Variants in NR1I2 observed in about 807,000 individuals in gnomAD.
NR1I2 encodes orphan nuclear receptor PAR1.
Under a neutral mutation model 43.3 loss-of-function variants are expected in NR1I2, and 42 were observed. That is an observed-to-expected ratio of 0.97 (90% confidence interval 0.76 to 1.26). NR1I2 has a LOEUF of 1.26. Among genes scored for constraint, NR1I2 ranks in the 50% most tolerant of loss-of-function variants. NR1I2 has a pLI of 0.00. For missense variants in NR1I2, 559 were observed against 566.7 expected, an observed-to-expected ratio of 0.99 and a Z score of 0.14; for synonymous variants, 229 against 215.0, an observed-to-expected ratio of 1.06 and a Z score of -0.57.
intron 1 of NR1I2, among the ~76,000 whole-genome samples, chr3:119,805,194 GT>G (rs947366650): frequency 4.1e-4 from 62 of 152,040 alleles, no homozygotes; most frequent in African/African-American, 1.4e-3. Flanking sequence ...ACATTTCTGT[GT>G]TTGATAACTC....
Position 119,815,715 on chromosome 3 carries a change from C to G in NR1I2, c.1055-11C>G. ...CCCCATGATCTTGCACCACACCTCC[C>G]TCCCCTCCAGACCGCCCAGGTGTGC... On this transcript the variant is annotated splice_polypyrimidine_tract_variant and intron_variant, in intron 7 of 8. Coordinates refer to ENST00000393716, the MANE Select transcript of NR1I2 (RefSeq NM_003889.4). 7 of 1,607,108 alleles carry G rather than the reference C, an allele frequency of 4.4e-6. No homozygotes were observed. The highest frequency in any genetic ancestry group is 6.0e-6 in the Non-Finnish European group (7 of 1,175,466).
chr3:119,807,543 G>A (rs1420149893), intron 2 of NR1I2, 96 bp downstream of exon 2: 2 of 1,086,822 alleles, frequency 1.8e-6, no homozygotes, highest in Non-Finnish European at 2.8e-6. Flanking sequence ...GGTTCAGAGT[G>A]TGGGCTGGTG....
intron 1 of NR1I2, among the ~76,000 whole-genome samples, chr3:119,801,877 C>G (rs947817780): frequency 1.3e-5 from 2 of 152,142 alleles, no homozygotes; most frequent in Non-Finnish European, 2.9e-5. Context: ...CTCATCGGTG[C>G]GATCTCAGGC....
intron 1 of NR1I2, 24 bp downstream of exon 1, chr3:119,782,324 T>C (rs1209468408): frequency 5.3e-5 from 9 of 169,840 alleles, no homozygotes; most frequent in Admixed American, 1.7e-4. Context: ...TTCTTTCTCT[T>C]TTGCTGGGGG....
intron 1 of NR1I2, among the ~76,000 whole-genome samples, chr3:119,800,881 C>A (rs781700428): frequency 6.6e-6 from 1 of 152,198 alleles, no homozygotes. Flanking sequence ...AGTTTGCAGG[C>A]AATCATGGAA....
intron 1 of NR1I2, among the ~76,000 whole-genome samples, chr3:119,793,271 T>C (rs746388945): frequency 3.3e-5 from 5 of 152,170 alleles, no homozygotes; most frequent in Non-Finnish European, 5.9e-5. Context: ...CAGATCTCAC[T>C]GTAACTCTGG....
chr3:119,805,760 TG>T (rs1328172641), intron 1 of NR1I2, among the ~76,000 whole-genome samples: 1 of 136,618 alleles, frequency 7.3e-6, no homozygotes, highest in African/African-American at 2.7e-5. Context: ...GGATTTCTGT[TG>T]GGTGTCTGGG....
rs972884897 is a variant in NR1I2, at chr3:119,790,943, C to G, written c.-23+8643C>G. On this transcript the variant is annotated intron_variant, in intron 1 of 8. Transcript: ENST00000393716. ...CTGTGTGACAGGCATGTGAGTGTCC[C>G]TGAGCACCGTACAGATACTAGTCTG... is the stretch of plus-strand genomic sequence containing the variant. 3.0e-4 allele frequency among the ~76,000 whole-genome samples: 45 copies of G among 152,194 alleles called. 2 individuals carry two copies. The highest frequency in any genetic ancestry group is 2.9e-5 in the Non-Finnish European group (2 of 68,042).
rs770734060 is a variant in NR1I2, at chr3:119,807,456, A to G, written c.197+9A>G. 7 of 1,611,628 alleles carry G rather than the reference A, an allele frequency of 4.3e-6. No homozygotes were observed. The African/African-American group carries it at 9.4e-5, about 22-fold the overall frequency. ...TGCAAGGGCTTTTTCAGGTAGAGTT[A>G]CCCATCAGCCTTCACCCACGTGCCA... On this transcript the variant is annotated intron_variant, in intron 2 of 8. Transcript: ENST00000393716.
At chr3:119,806,604 A>G (rs751630817) in intron 1 of NR1I2, among the ~76,000 whole-genome samples, 2 of 152,164 alleles carry the variant, frequency 1.3e-5, no homozygotes, top group Non-Finnish European at 2.9e-5. Flanking sequence ...ATTAATAGGC[A>G]CAAGTTCTTC....
At chr3:119,791,862 G>A (rs934877949) in intron 1 of NR1I2, 1 of 578,704 alleles carries the variant, frequency 1.7e-6, no homozygotes, top group Non-Finnish European at 3.3e-6. Flanking sequence ...GTTTGGACTG[G>A]CCTTAGCTGT....
chr3:119,815,554 C>T (rs1255077927), intron 7 of NR1I2, 115 bp downstream of exon 7: 5 of 1,070,236 alleles, frequency 4.7e-6, no homozygotes, highest in Non-Finnish European at 5.7e-6. Context: ...GATGGGGGCT[C>T]TCGCTGGTTT....
rs1257515500 is a variant in NR1I2 at position 119,815,434 on chromosome 3, C to T, written c.1049C>T (p.Ser350Phe). ...CTGATGCAGGCCATCTCCCTCTTCT[C>T]CCCAGGTGAGGATCTCCCCTAGGCT... is the stretch of plus-strand genomic sequence containing the variant. The change falls in exon 7 of 9, where the codon TCC becomes TTC. Residue 350 changes from serine to phenylalanine, a missense_variant. Ser to Phe is a radical substitution (Grantham distance 155). Around this residue, in one of 3 missense-constraint regions of NR1I2, gnomAD observed 323 missense variants for 312.2 expected, o/e 1.03. Coordinates refer to ENST00000393716, the MANE Select transcript of NR1I2 (RefSeq NM_003889.4). The T allele has an allele frequency of 5.6e-6, 9 of 1,609,968 alleles. No homozygotes were observed. Among genetic ancestry groups the T allele is most frequent in the Non-Finnish European group, 5.9e-6 (7 of 1,177,678 alleles).
chr3:119,815,173 A>C (rs754791127), intron 6 of NR1I2, 52 bp downstream of exon 6: 3 of 1,613,050 alleles, frequency 1.9e-6, no homozygotes, highest in Admixed American at 1.7e-5. Flanking sequence ...CACTGCAGTT[A>C]TGGGAGGAAG....
intron 1 of NR1I2, among the ~76,000 whole-genome samples, chr3:119,783,820 A>G (rs2054810459): frequency 6.6e-6 from 1 of 152,198 alleles, no homozygotes; most frequent in Non-Finnish European, 1.5e-5. Flanking sequence ...TAGATGGACT[A>G]TTAAACCTAT....
chr3:119,802,723 C>G (rs1412640883), intron 1 of NR1I2, among the ~76,000 whole-genome samples: 1 of 152,172 alleles, frequency 6.6e-6, no homozygotes, highest in Non-Finnish European at 1.5e-5. Flanking sequence ...CTCTTTGTGT[C>G]TGTGAACAGT....
rs1052899164 is a variant in NR1I2 at position 119,818,468 on chromosome 3, A to G, written c.*1256A>G. The G allele has an allele frequency of 1.0e-6, 1 of 985,256 alleles. No individual in the cohort carries two copies. The highest frequency in any genetic ancestry group is 4.7e-5 in the South Asian group (1 of 21,284). 61.0% of individuals were successfully genotyped at this position (985,256 alleles called of 1,614,324 possible). On this transcript the variant is annotated 3_prime_UTR_variant, in exon 9 of 9. Coordinates refer to ENST00000393716, the MANE Select transcript of NR1I2 (RefSeq NM_003889.4). Reference sequence around the variant, plus strand: ...GTCAAATCAAGGCAAAAGGAATTAAATAATGTACTTTTGGCTAGAGGGGTA... The same window carrying G: ...GTCAAATCAAGGCAAAAGGAATTAAGTAATGTACTTTTGGCTAGAGGGGTA...
intron 1 of NR1I2, among the ~76,000 whole-genome samples, chr3:119,806,220 T>C (rs1466828079): frequency 6.6e-6 from 1 of 152,182 alleles, no homozygotes; most frequent in African/African-American, 2.4e-5. Flanking sequence ...CTGTTCCAAG[T>C]AGAATTCAAG....
rs546733457 is a variant in NR1I2 at position 119,783,968 on chromosome 3, G to A, written c.-23+1668G>A. On this transcript the variant is annotated intron_variant, in intron 1 of 8. Transcript: ENST00000393716. ...CAGTGTACACTTCTTTTATTTAGCC[G>A]TTTTCTTTTCGATAGATATTTAAGC... Among the ~76,000 whole-genome samples, 51 of 152,106 alleles carry A rather than the reference G, an allele frequency of 3.4e-4. 2 individuals carry two copies. In the South Asian group the frequency reaches 7.3e-3, roughly 22 times the overall value.
Sources: gnomAD v4.1 joint callset for allele counts (sites outside exome capture counted in the v4.1 genomes callset) on GRCh38, gnomAD v4.1.1 for gene constraint, gnomAD v4.1.1 regional missense constraint, MANE v1.5 for transcripts, NCBI Gene and HGNC (gene_info 2026-07-23, HGNC 2026-07-21) for gene names.